Variants in STARD7 observed in about 807,000 individuals in gnomAD.
The protein encoded by STARD7 is StAR related lipid transfer domain containing 7.
In STARD7, 30 loss-of-function variants were observed where a neutral mutation model predicts 45.3. That is an observed-to-expected ratio of 0.66 (90% confidence interval 0.50 to 0.90). The LOEUF (loss-of-function observed/expected upper bound fraction) is 0.90. STARD7 is among the 40% of genes least tolerant of loss of function. The probability of loss-of-function intolerance (pLI) is 0.00; values close to 1 mark genes in which losing one functional copy is unlikely to be tolerated. For missense variants in STARD7, 495 were observed against 491.3 expected, an observed-to-expected ratio of 1.01 and a Z score of -0.07; for synonymous variants, 199 against 183.0, an observed-to-expected ratio of 1.09 and a Z score of -0.70.
chr2:96,198,141 G>C (rs2104194605), intron 1 of STARD7, among the ~76,000 whole-genome samples: 1 of 152,136 alleles, frequency 6.6e-6, no homozygotes, highest in East Asian at 1.9e-4. Flanking sequence ...TGGCCAACAT[G>C]GCAAAACCCC....
In STARD7 at chr2:96,185,919, T is replaced by C. The variant is rs1683028326; in HGVS notation, c.*811A>G. On this transcript the variant is annotated 3_prime_UTR_variant, in exon 8 of 8. Coordinates refer to ENST00000337288, the MANE Select transcript of STARD7 (RefSeq NM_020151.4). ...TGTTTTGAGCATCAAAAAGCTACTA[T>C]CTAAAAGGATTAGTCTCCCAGTGTT... The C allele has an allele frequency of 6.6e-6, 1 of 152,202 alleles. No individual in the cohort carries two copies. The highest frequency in any genetic ancestry group is 1.5e-5 in the Non-Finnish European group (1 of 68,040). 9.4% of individuals were successfully genotyped at this position (152,202 alleles called of 1,614,324 possible). A position where few individuals can be genotyped will look rare whatever the true frequency, so the allele number is the denominator to read the frequency against.
At chr2:96,188,819 G>A (rs1424987415) in intron 6 of STARD7, among the ~76,000 whole-genome samples, 4 of 151,850 alleles carry the variant, frequency 2.6e-5, no homozygotes, top group East Asian at 2.0e-4. Flanking sequence ...GCTTGAACCC[G>A]GGAGGCGGAG....
At chr2:96,201,112 C>T (rs1270140311) in intron 1 of STARD7, among the ~76,000 whole-genome samples, 1 of 152,100 alleles carries the variant, frequency 6.6e-6, no homozygotes, top group Non-Finnish European at 1.5e-5. Flanking sequence ...ACTATAAATT[C>T]CTTAATAGCC....
At chr2:96,196,148 G>A (rs1013764429) in intron 1 of STARD7, among the ~76,000 whole-genome samples, 5 of 149,232 alleles carry the variant, frequency 3.4e-5, no homozygotes, top group African/African-American at 1.2e-4. Context: ...AAAAAACAAC[G>A]AAAAAAAAGT....
chr2:96,206,591 G>A (rs551106256), intron 1 of STARD7, among the ~76,000 whole-genome samples: 96 of 152,062 alleles, frequency 6.3e-4, no homozygotes, highest in Admixed American at 6.1e-3. Flanking sequence ...ACGAGGTCAG[G>A]AGATCGAGAC....
chr2:96,190,429 A>G (rs1240514592), intron 6 of STARD7, among the ~76,000 whole-genome samples: 1 of 142,678 alleles, frequency 7.0e-6, no homozygotes, highest in Non-Finnish European at 1.5e-5. Flanking sequence ...TCTGCCTCCC[A>G]GGTTCAAGCC....
chr2:96,195,114 G>C, intron 2 of STARD7, 107 bp from the exon 3 acceptor site: 4 of 1,062,088 alleles, frequency 3.8e-6, no homozygotes. Context: ...GATCTTAAAG[G>C]CAGGTTCAGA....
At chr2:96,201,891 T>C (rs1683310712) in intron 1 of STARD7, among the ~76,000 whole-genome samples, 1 of 152,206 alleles carries the variant, frequency 6.6e-6, no homozygotes. Flanking sequence ...CAATTCAAAA[T>C]AATGGTAAGT....
At chr2:96,198,440 T>C (rs1683257674) in intron 1 of STARD7, among the ~76,000 whole-genome samples, 1 of 152,260 alleles carries the variant, frequency 6.6e-6, no homozygotes. Flanking sequence ...TAACTATGCT[T>C]AACTTTTTAA....
intron 1 of STARD7, among the ~76,000 whole-genome samples, chr2:96,197,070 A>AAACTAACCTAAACTAAAC (rs1573943516): frequency 7.3e-5 from 7 of 96,396 alleles, no homozygotes; most frequent in South Asian, 3.2e-4. Flanking sequence ...CCGTCTCAAA[A>AAACTAACCTAAACTAAAC]TAAAATAAAA....
chr2:96,205,880 T>C (rs1003049807), intron 1 of STARD7, among the ~76,000 whole-genome samples: 8 of 152,184 alleles, frequency 5.3e-5, no homozygotes, highest in Non-Finnish European at 1.2e-4. Flanking sequence ...GATCAAATTT[T>C]AATTACATGA....
At chr2:96,193,763 CTG>C (rs1360405230) in intron 3 of STARD7, among the ~76,000 whole-genome samples, 1 of 152,174 alleles carries the variant, frequency 6.6e-6, no homozygotes, top group Non-Finnish European at 1.5e-5. Context: ...TTTTAAATTT[CTG>C]GCATCACTAG....
In STARD7 at chr2:96,193,272, G is replaced by A. The variant is rs191259608; in HGVS notation, c.630C>T (p.Ser210=). 8.6e-5 allele frequency: 139 copies of A among 1,613,756 alleles called. 1 individual carries two copies. The African/African-American group carries it at 1.4e-3, about 16-fold the overall frequency. The change falls in exon 4 of 8, where the codon TCC becomes TCT. Residue 210 remains serine, a synonymous_variant. Transcript: ENST00000337288. ...AATGGGTTACCCAGTGAAGAACCTC[G>A]GAACCACTAACCACATCCCTCTCAA... ...EVIERDVVSG[S]EVLHWVTHFP...
rs552105741 is a variant in STARD7 at position 96,199,102 on chromosome 2, G to A, written c.291-3553C>T. Among the ~76,000 whole-genome samples, 4 of 152,254 alleles carry A rather than the reference G, an allele frequency of 2.6e-5. No homozygotes were observed. The South Asian group carries it at 8.3e-4, about 32-fold the overall frequency. The stretch of plus-strand genomic sequence containing the variant: ...GCTTTGTAATAAGTTTTGAAATTGG[G>A]AACAGTGAGTCCTCCAAACTTTGTT... On this transcript the variant is annotated intron_variant, in intron 1 of 7. Transcript: ENST00000337288.
At chr2:96,188,790 A>G (rs766548466) in intron 6 of STARD7, among the ~76,000 whole-genome samples, 2 of 151,722 alleles carry the variant, frequency 1.3e-5, no homozygotes, top group African/African-American at 2.4e-5. Context: ...GCTACTCGGG[A>G]GGCTGAGGCA....
rs550294070 is a variant in STARD7 at position 96,195,488 on chromosome 2, G to C, written c.352C>G (p.Gln118Glu). Residue 118 changes from glutamine (Q) to glutamate (E), a missense_variant, in exon 2 of 8, where the codon CAG becomes GAG. By Grantham distance (29) the Gln-to-Glu change is conservative (BLOSUM62 2). This residue lies in a region of STARD7 where 282 missense variants were observed against 220.1 expected (regional missense o/e 1.28). Transcript: ENST00000337288. ...GCTTTTGGTTCTGGAGGGTGGTGCTGGACTCCAGAGCTCTGAAACATATTT... is the reference window on the plus strand; with the variant it reads ...GCTTTTGGTTCTGGAGGGTGGTGCTCGACTCCAGAGCTCTGAAACATATTT... ...MSNMFQSSGV[Q>E]HHPPEPKAQT... The C allele has an allele frequency of 1.2e-6, 2 of 1,613,712 alleles. No individual in the cohort carries two copies. Among genetic ancestry groups the C allele is most frequent in the Non-Finnish European group, 1.7e-6 (2 of 1,179,776 alleles).
chr2:96,197,904 T>C (rs796338838), intron 1 of STARD7, among the ~76,000 whole-genome samples: 6 of 152,380 alleles, frequency 3.9e-5, no homozygotes, highest in African/African-American at 1.4e-4. Flanking sequence ...TATTCCTTTT[T>C]ATAGCTGAAT....
chr2:96,200,672 G>T (rs1314762978), intron 1 of STARD7, among the ~76,000 whole-genome samples: 2 of 152,074 alleles, frequency 1.3e-5, no homozygotes, highest in African/African-American at 4.8e-5. Context: ...AACTTGGCTT[G>T]TATTTTTCCC....
chr2:96,203,894 A>T (rs1683345624), intron 1 of STARD7, among the ~76,000 whole-genome samples: 1 of 152,034 alleles, frequency 6.6e-6, no homozygotes, highest in Non-Finnish European at 1.5e-5. Context: ...TGAAACCAGG[A>T]GGTGGATGCT....
Sources: allele counts gnomAD v4.1 joint callset (sites outside exome capture counted in the v4.1 genomes callset), GRCh38; gene constraint gnomAD v4.1.1; regional missense constraint gnomAD v4.1.1; transcripts MANE v1.5; gene names NCBI Gene and HGNC (gene_info 2026-07-23, HGNC 2026-07-21).